The following RAP1GDS1 variants were observed in gnomAD, a reference collection of about 807,000 sequenced individuals.
The protein encoded by RAP1GDS1 is RAP1, GTP-GDP dissociation stimulator 1.
RAP1GDS1 carries 35 observed loss-of-function variants against 71.1 expected under a neutral mutation model. The ratio of observed to expected loss-of-function variants is 0.49; its 90% CI spans 0.38 to 0.65. RAP1GDS1 has a LOEUF of 0.65. Ranked by LOEUF, RAP1GDS1 falls within the 30% of genes least tolerant of loss-of-function variation. RAP1GDS1 has a pLI of 0.00. For synonymous variants in RAP1GDS1, 229 were observed against 243.1 expected (o/e 0.94, Z 0.54); for missense variants, 663 against 706.1 (o/e 0.94, Z 0.69).
At chr4:98,433,225 A>G (rs1292640548) in intron 12 of RAP1GDS1, among the ~76,000 whole-genome samples, 1 of 152,032 alleles carries the variant, frequency 6.6e-6, no homozygotes, top group Non-Finnish European at 1.5e-5. Context: ...AGTACTTAAA[A>G]TTTTTTCATA....
chr4:98,396,612 A>G (rs1417731108), intron 6 of RAP1GDS1: 2 of 152,210 alleles, frequency 1.3e-5, no homozygotes, highest in African/African-American at 4.8e-5. Flanking sequence ...GGAGGAAGAA[A>G]GGATAAGAGA....
At chr4:98,419,735 T>G (rs1748535615) in intron 10 of RAP1GDS1, among the ~76,000 whole-genome samples, 1 of 152,184 alleles carries the variant, frequency 6.6e-6, no homozygotes, top group South Asian at 2.1e-4. Flanking sequence ...CAGATTTCCT[T>G]TACAAACTAT....
chr4:98,268,561 T>G (rs1477588716), intron 1 of RAP1GDS1, among the ~76,000 whole-genome samples: 3 of 151,986 alleles, frequency 2.0e-5, no homozygotes, highest in African/African-American at 7.2e-5. Flanking sequence ...TAGAAAGCCT[T>G]AAAGACTCCT....
At chr4:98,290,498 T>TA (rs1287464270) in intron 1 of RAP1GDS1, among the ~76,000 whole-genome samples, 2 of 152,134 alleles carry the variant, frequency 1.3e-5, no homozygotes, top group African/African-American at 4.8e-5. Context: ...AACTGATAGC[T>TA]AAAAATTTAG....
chr4:98,393,375 A>T (rs1744017673), intron 6 of RAP1GDS1, among the ~76,000 whole-genome samples: 1 of 152,146 alleles, frequency 6.6e-6, no homozygotes, highest in African/African-American at 2.4e-5. Context: ...TCTTTTTTAT[A>T]CTAGCCTAAT....
At chr4:98,276,987 A>G (rs571036510) in intron 1 of RAP1GDS1, among the ~76,000 whole-genome samples, 1 of 152,286 alleles carries the variant, frequency 6.6e-6, no homozygotes, top group East Asian at 1.9e-4. Context: ...CTGTCAAGAG[A>G]CAGGTCTGAG....
chr4:98,375,400 G>T (rs1002706812), intron 4 of RAP1GDS1, among the ~76,000 whole-genome samples: 17 of 152,124 alleles, frequency 1.1e-4, no homozygotes, highest in African/African-American at 4.1e-4. Context: ...ATTCTGAAGT[G>T]CTAGGGATTA....
At chr4:98,387,526 G>C (rs1742948538) in intron 5 of RAP1GDS1, 1 of 453,388 alleles carries the variant, frequency 2.2e-6, no homozygotes, top group African/African-American at 2.0e-5. Flanking sequence ...TCACACCAGC[G>C]CATGCGTTGA....
At chr4:98,317,524 G>A (rs2110332869) in intron 2 of RAP1GDS1, among the ~76,000 whole-genome samples, 1 of 152,256 alleles carries the variant, frequency 6.6e-6, no homozygotes, top group South Asian at 2.1e-4. Context: ...GGAGGAGGAG[G>A]AAGTATGGGA....
At chr4:98,370,862 C>T (rs942732351) in intron 4 of RAP1GDS1, among the ~76,000 whole-genome samples, 10 of 152,096 alleles carry the variant, frequency 6.6e-5, no homozygotes, top group African/African-American at 9.7e-5. Flanking sequence ...TGAGCCATCG[C>T]GCCCAGCTGT....
chr4:98,331,998 C>T (rs1382029556), intron 2 of RAP1GDS1, among the ~76,000 whole-genome samples: 5 of 152,112 alleles, frequency 3.3e-5, no homozygotes, highest in African/African-American at 1.2e-4. Context: ...GTTTCCCCAA[C>T]CAATCAAAAA....
intron 1 of RAP1GDS1, among the ~76,000 whole-genome samples, chr4:98,289,268 A>G (rs1344495586): frequency 6.6e-6 from 1 of 152,202 alleles, no homozygotes; most frequent in African/African-American, 2.4e-5. Flanking sequence ...GTGGGAGCCT[A>G]GAAAAGGAAG....
At chr4:98,415,890 C>T (rs1305682485) in intron 7 of RAP1GDS1, among the ~76,000 whole-genome samples, 2 of 152,028 alleles carry the variant, frequency 1.3e-5, no homozygotes, top group Non-Finnish European at 2.9e-5. Flanking sequence ...AACCTGAAGC[C>T]CTTTTTAAAA....
intron 2 of RAP1GDS1, among the ~76,000 whole-genome samples, chr4:98,305,998 T>G (rs1166070342): frequency 6.6e-6 from 1 of 152,220 alleles, no homozygotes; most frequent in African/African-American, 2.4e-5. Flanking sequence ...AACTAAGGAC[T>G]ACACTTTAAA....
At chr4:98,368,308 T>C (rs1365254117) in intron 4 of RAP1GDS1, among the ~76,000 whole-genome samples, 1 of 152,306 alleles carries the variant, frequency 6.6e-6, no homozygotes, top group East Asian at 1.9e-4. Flanking sequence ...CTTCCTTTTG[T>C]AAATTGCCTA....
chr4:98,439,470 A>G (rs1275513772), intron 14 of RAP1GDS1, among the ~76,000 whole-genome samples: 2 of 152,152 alleles, frequency 1.3e-5, no homozygotes, highest in Non-Finnish European at 2.9e-5. Context: ...GCTAAATTTG[A>G]GAAGTTTTGA....
chr4:98,271,172 C>G (rs1238769213), intron 1 of RAP1GDS1, among the ~76,000 whole-genome samples: 4 of 152,062 alleles, frequency 2.6e-5, no homozygotes, highest in African/African-American at 9.7e-5. Context: ...TTGTTAATTC[C>G]AAAGTCCTTT....
At chr4:98,319,742 C>T (rs898683137) in intron 2 of RAP1GDS1, among the ~76,000 whole-genome samples, 2 of 146,758 alleles carry the variant, frequency 1.4e-5, no homozygotes, top group African/African-American at 5.1e-5. Context: ...AATCATGCCA[C>T]TGCCCTCCAG....
chr4:98,353,546 T>C lies in RAP1GDS1; in HGVS notation c.361+945T>C, dbSNP rs116469388. The stretch of plus-strand genomic sequence containing the variant: ...ATGATAAAGAAGTAGGAAAAAAGAT[T>C]GAAACTATAGTTATAACTCATATAT... On this transcript the variant is annotated intron_variant, in intron 4 of 14. Transcript: ENST00000408927. Among the ~76,000 whole-genome samples the C allele has an allele frequency of 7.8e-3, 1,181 of 152,282 alleles. 16 individuals are homozygous for C. Among genetic ancestry groups the C allele is most frequent in the African/African-American group, 0.027 (1,130 of 41,584 alleles).
Sources: allele counts gnomAD v4.1 joint callset (sites outside exome capture counted in the v4.1 genomes callset), GRCh38; gene constraint gnomAD v4.1.1; transcripts MANE v1.5; gene names NCBI Gene and HGNC (gene_info 2026-07-23, HGNC 2026-07-21).